Variants in TRRAP observed in about 807,000 individuals in gnomAD.
TRRAP encodes transformation/transcription domain-associated protein.
A neutral mutation model predicts 438.8 loss-of-function variants in TRRAP; 41 were observed. The ratio of observed to expected loss-of-function variants is 0.09; its 90% CI spans 0.07 to 0.12. TRRAP has a LOEUF of 0.12. Among genes scored for constraint, TRRAP ranks in the 10% least tolerant of loss-of-function variants. The pLI, the probability that TRRAP is intolerant of heterozygous loss-of-function variation, is 1.00. For synonymous variants in TRRAP, 1,994 were observed against 1,962.9 expected, an observed-to-expected ratio of 1.02 and a Z score of -0.42; for missense variants, 3,122 against 5,055.1, an observed-to-expected ratio of 0.62 and a Z score of 11.60.
Position 99,012,398 on chromosome 7 carries a change from G to T in TRRAP, c.*43G>T, listed in dbSNP as rs767317049. The T allele has an allele frequency of 3.9e-6, 6 of 1,534,830 alleles. No homozygotes were observed. The South Asian group carries it at 4.8e-5, about 12-fold the overall frequency. ...ACCCGGAATGTGAAGGGCGCTCCGG[G>T]CTCTGAGCCCGCAGCTTTTACGACT... On this transcript the variant is annotated 3_prime_UTR_variant, in exon 73 of 73. Transcript: ENST00000456197. The surrounding 1 kb of genome is among the most constrained non-coding windows in gnomAD (Gnocchi z 5.9).
intron 7 of TRRAP, among the ~76,000 whole-genome samples, chr7:98,897,424 A>G (rs569664798): frequency 6.6e-6 from 1 of 152,344 alleles, no homozygotes; most frequent in African/African-American, 2.4e-5. Flanking sequence ...AGCCAGGGCA[A>G]AAAGAGTAGA....
chr7:98,948,327 C>T lies in TRRAP; in HGVS notation c.4655C>T (p.Ala1552Val), dbSNP rs2116603258. The change falls in exon 34 of 73, where the codon GCG becomes GTG. Residue 1552 changes from alanine to valine, a missense_variant. Ala to Val is a moderately conservative substitution (Grantham distance 64). Around this residue, in one of 24 missense-constraint regions of TRRAP, gnomAD observed 108 missense variants for 256.9 expected, o/e 0.42. Transcript: ENST00000456197. The surrounding 1 kb of genome is among the most constrained non-coding windows in gnomAD (Gnocchi z 4.9). Reference protein sequence around the residue: ...LLEVVMKTERAMLIEAGSPFR... With the variant: ...LLEVVMKTERVMLIEAGSPFR... ...GAGGTTGTCATGAAAACGGAGCGGG[C>T]GATGCTGATCGAGGTAAGGGCCATA... 2 of 1,614,158 alleles carry T rather than the reference C, an allele frequency of 1.2e-6. No homozygotes were observed. The highest frequency in any genetic ancestry group is 1.7e-6 in the Non-Finnish European group (2 of 1,180,030).
In TRRAP at chr7:98,878,566, G is replaced by C. The variant is rs1458455812; in HGVS notation, c.-133G>C. On this transcript the variant is annotated 5_prime_UTR_variant, in exon 1 of 73. Coordinates refer to ENST00000456197, the MANE Select transcript of TRRAP (RefSeq NM_001375524.1). ...CGGGACTGCGCGCGGCCGAGCGGTT[G>C]CGACGAGGGCTCGGCTGGGGGTCGC... 4.0e-5 allele frequency: 6 copies of C among 151,172 alleles called. No individual in the cohort carries two copies. Among genetic ancestry groups the C allele is most frequent in the African/African-American group, 1.5e-4 (6 of 41,266 alleles). The allele number at this position is 151,172 out of a possible 1,614,324, so 9.4% of individuals were successfully genotyped here. A position where few individuals can be genotyped will look rare whatever the true frequency, so the allele number is the denominator to read the frequency against.
intron 6 of TRRAP, among the ~76,000 whole-genome samples, chr7:98,894,783 G>GTTTTTTTTTTT (rs56407045): frequency 2.4e-3 from 207 of 87,412 alleles, no homozygotes; most frequent in Middle Eastern, 0.011. Context: ...CCAGCTAATG[G>GTTTTTTTTTTT]TTTTTTTTTT....
At chr7:98,951,101 GGT>G in intron 39 of TRRAP, 97 bp downstream of exon 39, 1 of 900,808 alleles carries the variant, frequency 1.1e-6, no homozygotes, top group Admixed American at 3.8e-5. Context: ...GTGTTAAGGG[GGT>G]TCATTGAAAT....
Position 98,976,466 on chromosome 7 carries a change from A to C in TRRAP, c.7960-17A>C. 1.2e-6 allele frequency: 2 copies of C among 1,601,486 alleles called. No homozygotes were observed. Among genetic ancestry groups the C allele is most frequent in the South Asian group, 2.2e-5 (2 of 90,908 alleles). On this transcript the variant is annotated splice_polypyrimidine_tract_variant and intron_variant, in intron 54 of 72. Coordinates refer to ENST00000456197, the MANE Select transcript of TRRAP (RefSeq NM_001375524.1). The surrounding 1 kb of genome is among the most constrained non-coding windows in gnomAD (Gnocchi z 4.6). ...ATTTTTGAATGAAGGCCTAAATGACATGTGCTTTGGTTTCAGGCACTCGCG... is the reference window on the plus strand; with the variant it reads ...ATTTTTGAATGAAGGCCTAAATGACCTGTGCTTTGGTTTCAGGCACTCGCG...
At chr7:98,961,195 GT>G in intron 45 of TRRAP, 65 bp from the exon 46 acceptor site, 1 of 1,549,164 alleles carries the variant, frequency 6.5e-7, no homozygotes, top group South Asian at 1.1e-5. Context: ...CCAGACTCTT[GT>G]TTCTAGAATT....
intron 1 of TRRAP, among the ~76,000 whole-genome samples, chr7:98,880,180 C>T (rs1795355174): frequency 6.6e-6 from 1 of 151,844 alleles, no homozygotes; most frequent in African/African-American, 2.4e-5. Flanking sequence ...ATTTTGATGT[C>T]CGCTGAAGTT....
chr7:98,978,705 G>A, intron 57 of TRRAP, 64 bp from the exon 58 acceptor site: 1 of 1,606,940 alleles, frequency 6.2e-7, no homozygotes, highest in South Asian at 1.1e-5. Flanking sequence ...CCCTGTCCCT[G>A]CCTTTGTGAA....
Position 98,976,224 on chromosome 7 carries a change from C to T in TRRAP, c.7915C>T (p.Leu2639Phe). 2 of 1,614,202 alleles carry T rather than the reference C, an allele frequency of 1.2e-6. No individual in the cohort carries two copies. Among genetic ancestry groups the T allele is most frequent in the Non-Finnish European group, 1.7e-6 (2 of 1,180,020 alleles). The change falls in exon 54 of 73, where the codon CTT (leucine) becomes TTT (phenylalanine). Residue 2639 changes from leucine to phenylalanine, a missense_variant. Around this residue, in one of 24 missense-constraint regions of TRRAP, gnomAD observed 992 missense variants for 1,281.2 expected, o/e 0.77. Transcript: ENST00000456197. The surrounding 1 kb of genome is among the most constrained non-coding windows in gnomAD (Gnocchi z 4.6). ...TTLAEKTWVQ[L>F]FPRLWKILSD... is the part of the protein sequence containing the mutation. The stretch of plus-strand genomic sequence containing the variant: ...GCTGGCAGAGAAGACGTGGGTCCAG[C>T]TTTTCCCCAGATTGTGGAAGATCCT...
At chr7:98,953,835 T>C (rs1554418876) in intron 40 of TRRAP, among the ~76,000 whole-genome samples, 2 of 152,204 alleles carry the variant, frequency 1.3e-5, no homozygotes, top group Non-Finnish European at 2.9e-5. Context: ...AAAGGAAATT[T>C]GTGGGGAAAA....
At chr7:98,930,566 G>A (rs140640159) in intron 24 of TRRAP, 67 bp from the exon 25 acceptor site, 33 of 1,592,978 alleles carry the variant, frequency 2.1e-5, no homozygotes, top group South Asian at 1.9e-4. Flanking sequence ...CAATAAGAGC[G>A]AAACTCTGTC....
intron 45 of TRRAP, 77 bp downstream of exon 45, chr7:98,959,567 G>A: frequency 6.4e-7 from 1 of 1,551,912 alleles, no homozygotes. Context: ...GCAGGGACTG[G>A]ACATTTGTGG....
At chr7:98,935,507 TTC>T (rs1790518658) in intron 27 of TRRAP, 70 bp from the exon 28 acceptor site, 2 of 1,351,206 alleles carry the variant, frequency 1.5e-6, no homozygotes, top group Non-Finnish European at 2.1e-6. Context: ...GATTGCTGTG[TTC>T]TGTTATTTGC....
chr7:98,880,090 GAA>G (rs1211836241), intron 1 of TRRAP, among the ~76,000 whole-genome samples: 3 of 152,088 alleles, frequency 2.0e-5, no homozygotes, highest in African/African-American at 7.2e-5. Context: ...GCTACAAACA[GAA>G]TTTATAGTTT....
intron 67 of TRRAP, among the ~76,000 whole-genome samples, chr7:99,001,651 G>A (rs960440522): frequency 3.3e-5 from 5 of 152,124 alleles, no homozygotes; most frequent in African/African-American, 9.7e-5. Flanking sequence ...TCCACCTTCC[G>A]CTCTCCTGTA....
chr7:98,879,948 T>G lies in TRRAP; in HGVS notation c.-61-1142T>G, dbSNP rs868966778. 2.6e-5 allele frequency among the ~76,000 whole-genome samples: 4 copies of G among 152,182 alleles called. No homozygotes were observed. In the South Asian group the frequency reaches 6.2e-4, roughly 24 times the overall value. ...CACCTGTTAGTGCAGAGCAGGATTA[T>G]GCAAGGAGGAGGGGTGAAAGCAACT... On this transcript the variant is annotated intron_variant, in intron 1 of 72. Coordinates refer to ENST00000456197, the MANE Select transcript of TRRAP (RefSeq NM_001375524.1).
At chr7:98,881,820 G>A in intron 2 of TRRAP, 155 bp from the exon 3 acceptor site, 1 of 697,234 alleles carries the variant, frequency 1.4e-6, no homozygotes, top group Non-Finnish European at 2.3e-6. Flanking sequence ...GGTGCGACTG[G>A]TTGTAGGGAA....
chr7:98,922,489 C>T (rs1789844309), intron 21 of TRRAP, among the ~76,000 whole-genome samples: 1 of 152,124 alleles, frequency 6.6e-6, no homozygotes, highest in Non-Finnish European at 1.5e-5. Context: ...GTGTTGAACA[C>T]CCACCGTCTC....
Sources: gnomAD v4.1 joint callset for allele counts (sites outside exome capture counted in the v4.1 genomes callset) on GRCh38, gnomAD v4.1.1 for gene constraint, gnomAD v4.1.1 regional missense constraint, Gnocchi (gnomAD v3.1) non-coding constraint, MANE v1.5 for transcripts, NCBI Gene and HGNC (gene_info 2026-07-23, HGNC 2026-07-21) for gene names.